RARB: variants seen among roughly 807,000 people sequenced by gnomAD.
RARB encodes HBV-activated protein.
Under a neutral mutation model 51.9 loss-of-function variants are expected in RARB, and 17 were observed. The ratio of observed to expected loss-of-function variants is 0.33; its 90% CI spans 0.22 to 0.49. The LOEUF is 0.49. RARB is among the 20% of genes least tolerant of loss of function. The pLI is 0.99. For synonymous variants in RARB, 215 were observed against 195.4 expected, an observed-to-expected ratio of 1.10 and a Z score of -0.84; for missense variants, 369 against 550.8, an observed-to-expected ratio of 0.67 and a Z score of 3.30.
chr3:25,425,738 A>C (rs1707971334), upstream of RARB, among the ~76,000 whole-genome samples: 1 of 152,248 alleles, frequency 6.6e-6, no homozygotes, highest in African/African-American at 2.4e-5. Context: ...GTATAGAGGT[A>C]AGAAATTCGG....
At chr3:25,491,771 T>C (rs142014292) in intron 2 of RARB, among the ~76,000 whole-genome samples, 2,594 of 152,240 alleles carry the variant, frequency 0.017, 70 homozygotes, top group African/African-American at 0.057. Flanking sequence ...TGAAACCCTG[T>C]GTCTACTAAA....
intron 2 of RARB, among the ~76,000 whole-genome samples, chr3:25,002,349 T>C (rs961280563): frequency 1.3e-5 from 2 of 152,122 alleles, no homozygotes; most frequent in South Asian, 4.1e-4. Context: ...TTTGGAGATG[T>C]TCACACACTG....
At chr3:24,836,199 A>G (rs1317135243) in intron 1 of RARB, among the ~76,000 whole-genome samples, 3 of 152,226 alleles carry the variant, frequency 2.0e-5, no homozygotes, top group African/African-American at 4.8e-5. Flanking sequence ...AGGAATGAGC[A>G]AAGCAAAATC....
chr3:24,916,767 C>CAAAAAAAAA, intron 2 of RARB, among the ~76,000 whole-genome samples: 1 of 112,782 alleles, frequency 8.9e-6, no homozygotes, highest in Non-Finnish European at 1.8e-5. Flanking sequence ...GTTTGCTGTT[C>CAAAAAAAAA]AAAAAAAAAA....
At chr3:25,462,983 C>T (rs151188788) in intron 2 of RARB, among the ~76,000 whole-genome samples, 50 of 152,332 alleles carry the variant, frequency 3.3e-4, no homozygotes, top group African/African-American at 1.1e-3. Flanking sequence ...TAGGTAGGAA[C>T]ATCAACTCAA....
chr3:25,171,818 C>T (rs1700652985), intron 4 of RARB, among the ~76,000 whole-genome samples: 1 of 152,006 alleles, frequency 6.6e-6, no homozygotes, highest in Non-Finnish European at 1.5e-5. Context: ...AGTGGAAACT[C>T]AGCAAATACT....
chr3:25,208,397 A>G (rs574660664), intron 5 of RARB, among the ~76,000 whole-genome samples: 1 of 152,320 alleles, frequency 6.6e-6, no homozygotes, highest in African/African-American at 2.4e-5. Flanking sequence ...TCTCAACTTC[A>G]TTCCAGTGAT....
intron 3 of RARB, among the ~76,000 whole-genome samples, chr3:25,115,286 T>G (rs1214420112): frequency 6.6e-6 from 1 of 152,202 alleles, no homozygotes; most frequent in Non-Finnish European, 1.5e-5. Context: ...TTAAAAAGCA[T>G]CGTGTTACCA....
chr3:25,224,260 G>T (rs145261880), intron 5 of RARB, among the ~76,000 whole-genome samples: 2 of 152,116 alleles, frequency 1.3e-5, no homozygotes, highest in African/African-American at 4.8e-5. Flanking sequence ...CTCTTAGTTT[G>T]CTTGCTTGTT....
At chr3:25,357,519 G>A (rs1705780288) in intron 5 of RARB, among the ~76,000 whole-genome samples, 1 of 152,190 alleles carries the variant, frequency 6.6e-6, no homozygotes, top group Non-Finnish European at 1.5e-5. Flanking sequence ...AGTTTAATTA[G>A]ATCTCATTTG....
intron 5 of RARB, among the ~76,000 whole-genome samples, chr3:25,231,440 C>G (rs865894984): frequency 6.6e-6 from 1 of 152,074 alleles, no homozygotes; most frequent in Non-Finnish European, 1.5e-5. Flanking sequence ...CCTTATAGAC[C>G]TTTAGCTTTA....
chr3:25,105,422 CAAAAA>C (rs755388268), intron 3 of RARB, among the ~76,000 whole-genome samples: 1 of 52,072 alleles, frequency 1.9e-5, no homozygotes, highest in Admixed American at 1.9e-4. Flanking sequence ...TATACATGTG[CAAAAA>C]AAAAAAAAAA....
intron 2 of RARB, among the ~76,000 whole-genome samples, chr3:24,863,950 G>C (rs1236733516): frequency 6.6e-6 from 1 of 151,868 alleles, no homozygotes; most frequent in African/African-American, 2.4e-5. Context: ...GAGGCTCTTG[G>C]CGCCACCCTA....
At chr3:25,161,729 ACTT>A (rs1236006610) in intron 4 of RARB, among the ~76,000 whole-genome samples, 3 of 152,068 alleles carry the variant, frequency 2.0e-5, no homozygotes, top group Non-Finnish European at 4.4e-5. Flanking sequence ...TATCTTACTC[ACTT>A]CTTTTTTCCA....
In RARB at chr3:25,117,461, C is replaced by T. The variant is rs567288737; in HGVS notation, c.-327-14700C>T. On this transcript the variant is annotated intron_variant, in intron 3 of 11. Coordinates refer to the RARB transcript ENST00000383772. ...TGGGCCCAATCAAAGAGCACTCATT[C>T]CAATTTACCAGGGACATGTAAGGCC... Among the ~76,000 whole-genome samples, 8 of 152,272 alleles carry T rather than the reference C, an allele frequency of 5.3e-5. No individual in the cohort carries two copies. The South Asian group carries it at 1.7e-3, about 32-fold the overall frequency.
intron 5 of RARB, among the ~76,000 whole-genome samples, chr3:25,321,590 A>G (rs11711833): frequency 0.57 from 86,768 of 151,540 alleles, 25,194 homozygotes; most frequent in East Asian, 0.88. Flanking sequence ...GGTGGCAGGT[A>G]CCTGTAATCC....
At chr3:24,994,570 C>G (rs560956704) in intron 2 of RARB, among the ~76,000 whole-genome samples, 1 of 152,130 alleles carries the variant, frequency 6.6e-6, no homozygotes, top group Non-Finnish European at 1.5e-5. Flanking sequence ...AATCATTTCC[C>G]AGACTAATGT....
At chr3:25,318,879 C>T (rs1048551486) in intron 5 of RARB, among the ~76,000 whole-genome samples, 4 of 152,100 alleles carry the variant, frequency 2.6e-5, no homozygotes, top group Non-Finnish European at 5.9e-5. Context: ...CCTTAATGTC[C>T]TTTTCTCTGT....
chr3:25,264,364 A>ATT (rs60901434), intron 5 of RARB, among the ~76,000 whole-genome samples: 15,141 of 151,346 alleles, frequency 0.1, 910 homozygotes, highest in South Asian at 0.25. Flanking sequence ...AAGATCTACT[A>ATT]TTTTTTTTTA....
Sources: allele counts gnomAD v4.1 joint callset (sites outside exome capture counted in the v4.1 genomes callset), GRCh38; gene constraint gnomAD v4.1.1; transcripts MANE v1.5; gene names NCBI Gene and HGNC (gene_info 2026-07-23, HGNC 2026-07-21).